Variants in LGR5 observed in about 807,000 individuals in gnomAD.
The protein encoded by LGR5 is leucine rich repeat containing G protein-coupled receptor 5.
Under a neutral mutation model 76.7 loss-of-function variants are expected in LGR5, and 54 were observed. The observed-to-expected ratio is 0.70, with a 90% CI of 0.57 to 0.88. The LOEUF (loss-of-function observed/expected upper bound fraction) is 0.88, where lower values mean the gene tolerates loss of function less well. Ranked by LOEUF, LGR5 falls within the 40% of genes least tolerant of loss-of-function variation. LGR5 has a pLI of 0.00. For synonymous variants in LGR5, 406 were observed against 421.9 expected (o/e 0.96, Z 0.46); for missense variants, 1,078 against 1,073.3 (o/e 1.00, Z -0.06).
intron 7 of LGR5, among the ~76,000 whole-genome samples, chr12:71,560,672 A>G (rs1878012705): frequency 6.6e-6 from 1 of 152,212 alleles, no homozygotes; most frequent in South Asian, 2.1e-4. Flanking sequence ...CATGCCTATA[A>G]TCCCAGCTTC....
chr12:71,453,751 A>G lies in LGR5; in HGVS notation c.212+13459A>G, dbSNP rs1032867220. Among the ~76,000 whole-genome samples, 17 of 152,228 alleles carry G rather than the reference A, an allele frequency of 1.1e-4. No individual in the cohort carries two copies. The East Asian group carries it at 3.3e-3, about 30-fold the overall frequency. On this transcript the variant is annotated intron_variant, in intron 1 of 17. Coordinates refer to ENST00000266674, the MANE Select transcript of LGR5 (RefSeq NM_003667.4). ...CTGAAAAAATAGTTCTACTTTAAGA[A>G]CAAAAACTGATTTAAAGAATGGGCT... is the stretch of plus-strand genomic sequence containing the variant.
intron 1 of LGR5, among the ~76,000 whole-genome samples, chr12:71,465,286 T>G (rs191916080): frequency 3.9e-5 from 6 of 152,286 alleles, no homozygotes; most frequent in Middle Eastern, 3.4e-3. Context: ...AAGACTGCCA[T>G]TGTTCTTAGG....
rs540069588 is a variant in LGR5, at chr12:71,558,457, G to C, written c.717-1129G>C. Among the ~76,000 whole-genome samples, 559 of 152,218 alleles carry C rather than the reference G, an allele frequency of 3.7e-3. 2 individuals are homozygous for C. Among genetic ancestry groups the C allele is most frequent in the Non-Finnish European group, 6.4e-3 (432 of 68,006 alleles). On this transcript the variant is annotated intron_variant, in intron 6 of 17. Transcript: ENST00000266674. ...AGGATAAGCAATTTGGTTATTCCCA[G>C]CCTCTTCCTTTCCCTACTAGAAATC...
rs7980617 is a variant in LGR5, at chr12:71,510,222, C to T, written c.284+5537C>T. Among the ~76,000 whole-genome samples the T allele has an allele frequency of 9.1e-3, 1,380 of 152,222 alleles. 9 individuals carry two copies. The highest frequency in any genetic ancestry group is 0.013 in the Non-Finnish European group (886 of 68,002). ...ATCGTCTCCTGTCTTCATAGATCTG[C>T]CCATTGATTATAAACACTGCCTCCT... On this transcript the variant is annotated intron_variant, in intron 2 of 17. Coordinates refer to ENST00000266674, the MANE Select transcript of LGR5 (RefSeq NM_003667.4).
At chr12:71,488,806 T>A (rs1873945713) in intron 1 of LGR5, among the ~76,000 whole-genome samples, 1 of 152,188 alleles carries the variant, frequency 6.6e-6, no homozygotes, top group South Asian at 2.1e-4. Flanking sequence ...TAATTTTAGT[T>A]TCAAGATGCC....
In LGR5 at chr12:71,455,840, A is replaced by G. The variant is rs549776434; in HGVS notation, c.212+15548A>G. Among the ~76,000 whole-genome samples the G allele has an allele frequency of 3.9e-5, 6 of 152,332 alleles. No individual in the cohort carries two copies. In the South Asian group the frequency reaches 1.0e-3, roughly 26 times the overall value. ...ATGACAAACTATTTGATAAATTAAC[A>G]TTGTATATATATGTGCATATAGATA... is the stretch of plus-strand genomic sequence containing the variant. On this transcript the variant is annotated intron_variant, in intron 1 of 17. Transcript: ENST00000266674.
chr12:71,556,838 A>G, intron 6 of LGR5, 148 bp downstream of exon 6: 1 of 650,940 alleles, frequency 1.5e-6, no homozygotes, highest in Non-Finnish European at 2.8e-6. Context: ...TCTTACACAC[A>G]CAACCCCCAC....
At chr12:71,557,879 A>G (rs1877853722) in intron 6 of LGR5, among the ~76,000 whole-genome samples, 1 of 152,228 alleles carries the variant, frequency 6.6e-6, no homozygotes, top group Non-Finnish European at 1.5e-5. Flanking sequence ...CCAGAACTGC[A>G]AAAGGAAAAG....
rs141085520 is a variant in LGR5 at position 71,440,883 on chromosome 12, T to G, written c.212+591T>G. Among the ~76,000 whole-genome samples the G allele has an allele frequency of 2.0e-5, 3 of 152,172 alleles. No individual in the cohort carries two copies. Among genetic ancestry groups the G allele is most frequent in the African/African-American group, 7.2e-5 (3 of 41,464 alleles). On this transcript the variant is annotated intron_variant, in intron 1 of 17. Coordinates refer to ENST00000266674, the MANE Select transcript of LGR5 (RefSeq NM_003667.4). This position sits in a 1 kb window ranked among gnomAD's most constrained non-coding sequence, Gnocchi z 5.3. ...CCCTCCCTCCTTTCTTTTTATTTTC[T>G]TTCTTTTTTAACGGCGTGATTAAAA...
chr12:71,466,427 T>C (rs1055944651), intron 1 of LGR5, among the ~76,000 whole-genome samples: 1 of 152,136 alleles, frequency 6.6e-6, no homozygotes, highest in South Asian at 2.1e-4. Context: ...TATTAGATGG[T>C]GTAAAGTTGT....
chr12:71,531,668 G>C (rs1047217650), intron 3 of LGR5, among the ~76,000 whole-genome samples: 2 of 152,138 alleles, frequency 1.3e-5, no homozygotes, highest in Admixed American at 6.6e-5. Context: ...AGGAGTTCAA[G>C]ACAAGCCTGG....
At chr12:71,471,887 G>T (rs1873119489) in intron 1 of LGR5, among the ~76,000 whole-genome samples, 1 of 152,082 alleles carries the variant, frequency 6.6e-6, no homozygotes, top group South Asian at 2.1e-4. Flanking sequence ...AGAGTATGTA[G>T]TATATTCTGA....
chr12:71,481,891 T>A lies in LGR5; in HGVS notation c.213-22723T>A, dbSNP rs530999092. Among the ~76,000 whole-genome samples the A allele has an allele frequency of 2.0e-5, 3 of 152,282 alleles. No individual in the cohort carries two copies. The South Asian group carries it at 6.2e-4, about 32-fold the overall frequency. Reference sequence around the variant, plus strand: ...TAGGTGCAGCCACAGCTCAGAATTATTTAACAGACATAACAGACACTCAAT... The same window carrying A: ...TAGGTGCAGCCACAGCTCAGAATTAATTAACAGACATAACAGACACTCAAT... On this transcript the variant is annotated intron_variant, in intron 1 of 17. Transcript: ENST00000266674.
chr12:71,542,291 T>C (rs1876918004), intron 4 of LGR5, among the ~76,000 whole-genome samples: 1 of 152,142 alleles, frequency 6.6e-6, no homozygotes, highest in Admixed American at 6.5e-5. Flanking sequence ...ACTCCTTATA[T>C]TGGTGGGGGA....
At chr12:71,514,025 T>C (rs555399409) in intron 2 of LGR5, among the ~76,000 whole-genome samples, 1 of 152,134 alleles carries the variant, frequency 6.6e-6, no homozygotes, top group Non-Finnish European at 1.5e-5. Flanking sequence ...TGCGTACCTG[T>C]AGTCCCAGCT....
rs901329039 is a variant in LGR5, at chr12:71,583,698, G to A, written c.1688G>A (p.Gly563Glu). ...CTTGATGGCTGGCTGATCAGAATTG[G>A]AGTGTGGACCATAGCAGTTCTGGCA... is the stretch of plus-strand genomic sequence containing the variant. ...HLLDGWLIRI[G>E]VWTIAVLALT... is the part of the protein sequence containing the mutation. Residue 563 changes from glycine (G) to glutamate (E), a missense_variant, in exon 18 of 18, where the codon GGA becomes GAA. Transcript: ENST00000266674. 1 of 1,614,050 alleles carries A rather than the reference G, an allele frequency of 6.2e-7. No homozygotes were observed. The highest frequency in any genetic ancestry group is 1.3e-5 in the African/African-American group (1 of 74,924).
chr12:71,481,137 G>A (rs1449834011), intron 1 of LGR5, among the ~76,000 whole-genome samples: 1 of 152,070 alleles, frequency 6.6e-6, no homozygotes, highest in Admixed American at 6.6e-5. Context: ...GAACGTGCAG[G>A]TTACGTAGGT....
chr12:71,544,638 T>C (rs2137389900), intron 4 of LGR5, among the ~76,000 whole-genome samples: 1 of 151,896 alleles, frequency 6.6e-6, no homozygotes, highest in African/African-American at 2.4e-5. Context: ...ACATATAGAT[T>C]AAATAATAGG....
Position 71,440,101 on chromosome 12 carries a change from T to A in LGR5, c.21T>A (p.Gly7=), listed in dbSNP as rs1360408891. ...GCACCATGGACACCTCCCGGCTCGGTGTGCTCCTGTCCTTGCCTGTGCTGC... is the reference window on the plus strand; with the variant it reads ...GCACCATGGACACCTCCCGGCTCGGAGTGCTCCTGTCCTTGCCTGTGCTGC... The part of the protein sequence containing the change: MDTSRL[G]VLLSLPVLLQ... The change falls in exon 1 of 18, where the codon GGT becomes GGA. Residue 7 remains glycine (G), a synonymous_variant. Transcript: ENST00000266674. This position sits in a 1 kb window ranked among gnomAD's most constrained non-coding sequence, Gnocchi z 5.3. The A allele has an allele frequency of 6.2e-7, 1 of 1,604,534 alleles. No individual in the cohort carries two copies. Among genetic ancestry groups the A allele is most frequent in the East Asian group, 2.2e-5 (1 of 44,818 alleles).
Sources: gnomAD v4.1 joint callset for allele counts (sites outside exome capture counted in the v4.1 genomes callset) on GRCh38, gnomAD v4.1.1 for gene constraint, Gnocchi (gnomAD v3.1) non-coding constraint, MANE v1.5 for transcripts, NCBI Gene and HGNC (gene_info 2026-07-23, HGNC 2026-07-21) for gene names.